The following ANKRD50 variants were observed in gnomAD, a reference collection of about 807,000 sequenced individuals.
The protein encoded by ANKRD50 is ankyrin repeat domain-containing protein 50.
A neutral mutation model predicts 112.0 loss-of-function variants in ANKRD50; 40 were observed. That is an observed-to-expected ratio of 0.36 (90% CI 0.28 to 0.46). The LOEUF is 0.46. ANKRD50 is among the 20% of genes least tolerant of loss of function. The probability of loss-of-function intolerance (pLI) is 1.00; values close to 1 mark genes in which losing one functional copy is unlikely to be tolerated. For missense variants in ANKRD50, 1,487 were observed against 1,701.7 expected, an observed-to-expected ratio of 0.87 and a Z score of 2.22; for synonymous variants, 613 against 619.1, an observed-to-expected ratio of 0.99 and a Z score of 0.15.
At chr4:124,703,431 T>C (rs959305620) in intron 2 of ANKRD50, among the ~76,000 whole-genome samples, 1 of 152,052 alleles carries the variant, frequency 6.6e-6, no homozygotes, top group African/African-American at 2.4e-5. Flanking sequence ...CTGGGAGTGA[T>C]AAAAAATGCA....
At chr4:124,692,805 G>A (rs982877213) in intron 2 of ANKRD50, among the ~76,000 whole-genome samples, 2 of 152,206 alleles carry the variant, frequency 1.3e-5, no homozygotes, top group Non-Finnish European at 2.9e-5. Flanking sequence ...GAAAAATGCT[G>A]TTGCTTATAA....
At chr4:124,703,273 T>C (rs924738392) in intron 2 of ANKRD50, among the ~76,000 whole-genome samples, 1 of 152,114 alleles carries the variant, frequency 6.6e-6, no homozygotes, top group South Asian at 2.1e-4. Context: ...CAGGCAATCA[T>C]GCATAAACAT....
At chr4:124,675,263 C>T (rs1211562838) in intron 3 of ANKRD50, among the ~76,000 whole-genome samples, 1 of 151,598 alleles carries the variant, frequency 6.6e-6, no homozygotes, top group African/African-American at 2.4e-5. Context: ...CTCAGGGTAC[C>T]GCATTACGCA....
At chr4:124,677,768 A>AATATAAAATATGAGCTGAAAGC (rs1724749916) in intron 3 of ANKRD50, among the ~76,000 whole-genome samples, 1 of 151,990 alleles carries the variant, frequency 6.6e-6, no homozygotes, top group African/African-American at 2.4e-5. Context: ...AAACATACAT[A>AATATAAAATATGAGCTGAAAGC]ATATAAAATA....
chr4:124,668,175 A>G (rs1186190715), intron 4 of ANKRD50, among the ~76,000 whole-genome samples: 2 of 151,982 alleles, frequency 1.3e-5, no homozygotes, highest in Non-Finnish European at 1.5e-5. Flanking sequence ...AACATCCCCT[A>G]TATTATTAAT....
intron 2 of ANKRD50, among the ~76,000 whole-genome samples, chr4:124,681,185 A>C (rs1008588518): frequency 6.6e-6 from 1 of 152,192 alleles, no homozygotes; most frequent in African/African-American, 2.4e-5. Context: ...CACTATCACC[A>C]AGGCCATCAC....
At position 124,671,945 on chromosome 4, in the gene ANKRD50, G is replaced by A; in HGVS notation, c.1332C>T (p.Ala444=). Residue 444 remains alanine (A), a synonymous_variant, in exon 4 of 5, where the codon GCC becomes GCT. Transcript: ENST00000504087. ...GTGCTTCCAATGGTGTTAAATTCTT[G>A]GCTTGACAGGTATAACTCATAGCCA... ...RMLAMSYTCQ[A]KNLTPLEAQE... is the part of the protein sequence containing the mutation. 1 of 1,613,856 alleles carries A rather than the reference G, an allele frequency of 6.2e-7. No homozygotes were observed. The highest frequency in any genetic ancestry group is 8.5e-7 in the Non-Finnish European group (1 of 1,179,874).
intron 2 of ANKRD50, among the ~76,000 whole-genome samples, chr4:124,689,972 CA>C (rs749321792): frequency 6.3e-4 from 96 of 152,238 alleles, no homozygotes; most frequent in Non-Finnish European, 1.1e-3. Context: ...ATCCACAAAA[CA>C]TTTATATCTT....
rs1406455406 is a variant in ANKRD50, at chr4:124,669,835, G to A, written c.3442C>T (p.Pro1148Ser). The A allele has an allele frequency of 3.1e-6, 5 of 1,612,474 alleles. No individual in the cohort carries two copies. The highest frequency in any genetic ancestry group is 4.2e-6 in the Non-Finnish European group (5 of 1,179,606). The change falls in exon 4 of 5, where the codon CCT becomes TCT. Residue 1148 changes from proline to serine, a missense_variant. Pro to Ser is a moderately conservative substitution (Grantham distance 74). Around this residue, in one of 2 missense-constraint regions of ANKRD50, gnomAD observed 441 missense variants for 432.2 expected, o/e 1.02. Transcript: ENST00000504087. ...SGSTGGGDMQ[P>S]SLRGLPNGPT... ...CCATTAGGTAAACCACGTAACGAAG[G>A]CTGCATATCCCCTCCACCAGTACTA... is the stretch of plus-strand genomic sequence containing the variant.
At chr4:124,709,935 C>A in intron 2 of ANKRD50, 65 bp downstream of exon 2, 2 of 1,534,256 alleles carry the variant, frequency 1.3e-6, no homozygotes, top group Non-Finnish European at 1.7e-6. Flanking sequence ...AAACAAAAAA[C>A]TACAACTAAA....
At chr4:124,693,998 C>T (rs753406785) in intron 2 of ANKRD50, among the ~76,000 whole-genome samples, 2 of 152,054 alleles carry the variant, frequency 1.3e-5, no homozygotes, top group Non-Finnish European at 2.9e-5. Context: ...AAAAATAATG[C>T]ACTAACAATT....
intron 2 of ANKRD50, among the ~76,000 whole-genome samples, chr4:124,699,596 A>G (rs1172225497): frequency 6.6e-6 from 1 of 152,206 alleles, no homozygotes. Flanking sequence ...AAAGAGGCAA[A>G]AGGTGACCTC....
intron 1 of ANKRD50, 145 bp downstream of exon 1, chr4:124,712,313 G>A (rs886688080): frequency 6.6e-6 from 1 of 152,548 alleles, no homozygotes; most frequent in Non-Finnish European, 1.5e-5. Flanking sequence ...CCGGCCGACG[G>A]CGGTGCGAGG....
rs758852767 is a variant in ANKRD50 at position 124,670,975 on chromosome 4, G to C, written c.2302C>G (p.Leu768Val). The C allele has an allele frequency of 2.5e-6, 4 of 1,613,810 alleles. No individual in the cohort carries two copies. The South Asian group carries it at 4.4e-5, about 18-fold the overall frequency. ...EGHVDVVDLL[L>V]EGGADVDHTD... ...TGATCTACATCTGCTCCCCCTTCTA[G>C]AAGCAAGTCAACCACATCAACATGT... The change falls in exon 4 of 5, where the codon CTA (leucine) becomes GTA (valine). Residue 768 changes from leucine to valine, a missense_variant. By Grantham distance (32) the Leu-to-Val change is conservative. Around this residue, in one of 2 missense-constraint regions of ANKRD50, gnomAD observed 1,046 missense variants for 1,269.5 expected, o/e 0.82. Transcript: ENST00000504087.
At chr4:124,693,684 T>C (rs965338193) in intron 2 of ANKRD50, among the ~76,000 whole-genome samples, 1 of 152,176 alleles carries the variant, frequency 6.6e-6, no homozygotes, top group African/African-American at 2.4e-5. Flanking sequence ...CCAGTTACCT[T>C]GATATTTACG....
intron 2 of ANKRD50, 130 bp downstream of exon 2, chr4:124,709,870 T>C (rs1000254619): frequency 1.5e-5 from 19 of 1,271,420 alleles, no homozygotes; most frequent in Admixed American, 2.6e-5. Context: ...GGTATACTCA[T>C]AACTTCAGAT....
chr4:124,671,507 A>G lies in ANKRD50; in HGVS notation c.1770T>C (p.His590=). 6.2e-7 allele frequency: 1 copy of G among 1,613,804 alleles called. No individual in the cohort carries two copies. The highest frequency in any genetic ancestry group is 8.5e-7 in the Non-Finnish European group (1 of 1,179,826). Reference sequence around the variant, plus strand: ...CAATCAAACAATTAACCACCTTGGTATGTCCCTGTCTAGCCGCTAGAGTGA... The same window carrying G: ...CAATCAAACAATTAACCACCTTGGTGTGTCCCTGTCTAGCCGCTAGAGTGA... ...TPLTLAARQG[H]TKVVNCLIGC... is the part of the protein sequence containing the mutation. The change falls in exon 4 of 5, where the codon CAT becomes CAC. Residue 590 remains histidine, a synonymous_variant. Coordinates refer to ENST00000504087, the MANE Select transcript of ANKRD50 (RefSeq NM_020337.3).
At chr4:124,667,814 T>C (rs746172375) in intron 4 of ANKRD50, among the ~76,000 whole-genome samples, 1 of 151,974 alleles carries the variant, frequency 6.6e-6, no homozygotes, top group Non-Finnish European at 1.5e-5. Context: ...ACGAATTGCA[T>C]TTGGGGACTG....
rs781102375 is a variant in ANKRD50, at chr4:124,678,712, G to A, written c.706C>T (p.Arg236Ter). The A allele has an allele frequency of 1.9e-6, 3 of 1,613,604 alleles. No homozygotes were observed. Among genetic ancestry groups the A allele is most frequent in the Non-Finnish European group, 1.7e-6 (2 of 1,179,676 alleles). Reference sequence around the variant, plus strand: ...TTAGTAACAGCCTTACTCTGCTTTCGGGCAGAACAGAGAAGCAATAGCCAT... The same window carrying A: ...TTAGTAACAGCCTTACTCTGCTTTCAGGCAGAACAGAGAAGCAATAGCCAT... ...PPWLLLLCSA[R>*]KQSKAVTKMF... The change falls in exon 3 of 5, where the codon CGA becomes TGA. Residue 236 changes from arginine (R) to a stop codon, truncating the protein, a stop_gained. Transcript: ENST00000504087. LOFTEE classifies it high-confidence loss of function.
Sources: allele counts gnomAD v4.1 joint callset (sites outside exome capture counted in the v4.1 genomes callset), GRCh38; gene constraint gnomAD v4.1.1; regional missense constraint gnomAD v4.1.1; transcripts MANE v1.5; gene names NCBI Gene and HGNC (gene_info 2026-07-23, HGNC 2026-07-21).